The following ZNF347 variants were observed in gnomAD, a reference collection of about 807,000 sequenced individuals.
ZNF347 encodes CTD-2620I22.7.
Under a neutral mutation model 12.9 loss-of-function variants are expected in ZNF347, and 19 were observed. The observed-to-expected ratio is 1.47, with a 90% CI of 1.03 to 2.16. ZNF347 has a LOEUF of 2.16. Ranked by LOEUF, ZNF347 falls within the 30% of genes most tolerant of loss-of-function variation. ZNF347 has a pLI of 0.00. For synonymous variants in ZNF347, 328 were observed against 340.6 expected (o/e 0.96, Z 0.41); for missense variants, 1,005 against 990.6 (o/e 1.01, Z -0.19).
rs2090400936 is a variant in ZNF347 at position 53,138,788 on chromosome 19, AT to A, written c.*1519del. 6.6e-6 allele frequency: 1 copy of A among 152,180 alleles called. No homozygotes were observed. The highest frequency in any genetic ancestry group is 2.1e-4 in the South Asian group (1 of 4,830). 9.4% of individuals were successfully genotyped at this position (152,180 alleles called of 1,614,324 possible). A position where few individuals can be genotyped will look rare whatever the true frequency, so the allele number is the denominator to read the frequency against. On this transcript the variant is annotated 3_prime_UTR_variant, in exon 5 of 5. Transcript: ENST00000334197. ...GGATAAAATGATGTTGGTACAAAGAATGTGATTTGTTTATAGTTATAAGAAA... is the reference window on the plus strand; with the variant it reads ...GGATAAAATGATGTTGGTACAAAGAAGTGATTTGTTTATAGTTATAAGAAA...
intron 2 of ZNF347, among the ~76,000 whole-genome samples, chr19:53,151,684 A>G (rs941326977): frequency 6.6e-6 from 1 of 152,216 alleles, no homozygotes; most frequent in African/African-American, 2.4e-5. Flanking sequence ...TATGCCCATA[A>G]TATGTAACTA....
intron 4 of ZNF347, among the ~76,000 whole-genome samples, chr19:53,145,232 A>C (rs936902921): frequency 1.4e-5 from 2 of 147,242 alleles, no homozygotes; most frequent in African/African-American, 5.0e-5. Context: ...TGGAGGATGC[A>C]GTGAGCCAAG....
Position 53,137,804 on chromosome 19 carries a change from A to G in ZNF347, c.*2504T>C, listed in dbSNP as rs2090395238. ...GTTATTCTGCACTATTTATAATTTCATAATTTTTTTTTTTGAGACGGAGTC... is the reference window on the plus strand; with the variant it reads ...GTTATTCTGCACTATTTATAATTTCGTAATTTTTTTTTTTGAGACGGAGTC... On this transcript the variant is annotated 3_prime_UTR_variant, in exon 5 of 5. Coordinates refer to ENST00000334197, the MANE Select transcript of ZNF347 (RefSeq NM_032584.3). The G allele has an allele frequency of 6.6e-6, 1 of 152,084 alleles. No homozygotes were observed. Among genetic ancestry groups the G allele is most frequent in the Admixed American group, 6.6e-5 (1 of 15,262 alleles). 9.4% of individuals were successfully genotyped at this position (152,084 alleles called of 1,614,324 possible).
chr19:53,142,897 G>GT (rs2090439030), intron 4 of ZNF347, among the ~76,000 whole-genome samples: 1 of 152,134 alleles, frequency 6.6e-6, no homozygotes, highest in African/African-American at 2.4e-5. Flanking sequence ...GATCAGACCT[G>GT]TTTTACAAGA....
chr19:53,142,579 G>C (rs2090436832), intron 4 of ZNF347, 23 bp from the exon 5 acceptor site: 1 of 1,495,642 alleles, frequency 6.7e-7, no homozygotes, highest in Non-Finnish European at 8.9e-7. Flanking sequence ...AAGATCCATA[G>C]GTTTCCAATT....
At chr19:53,150,976 A>T (rs2090493534) in intron 2 of ZNF347, among the ~76,000 whole-genome samples, 1 of 152,154 alleles carries the variant, frequency 6.6e-6, no homozygotes, top group African/African-American at 2.4e-5. Context: ...CTGACCTCAG[A>T]TGATCCACCC....
intron 4 of ZNF347, among the ~76,000 whole-genome samples, chr19:53,146,992 T>C (rs972635985): frequency 6.6e-6 from 1 of 152,082 alleles, no homozygotes; most frequent in African/African-American, 2.4e-5. Flanking sequence ...TCCCAACAGT[T>C]TGGGAGGCTA....
At position 53,141,101 on chromosome 19, in the gene ZNF347, T is replaced by G; in HGVS notation, c.1727A>C (p.Lys576Thr). Residue 576 changes from lysine to threonine, a missense_variant, in exon 5 of 5, where the codon AAG (lysine) becomes ACG (threonine). Coordinates refer to ENST00000334197, the MANE Select transcript of ZNF347 (RefSeq NM_032584.3). ...EKPYKCNECG[K>T]VFTQNSHLAR... is the part of the protein sequence containing the mutation. The stretch of plus-strand genomic sequence containing the variant: ...AAGGTGTGAATTCTGAGTGAAGACC[T>G]TGCCACACTCATTACATTTGTAAGG... 1 of 1,614,078 alleles carries G rather than the reference T, an allele frequency of 6.2e-7. No individual in the cohort carries two copies. The highest frequency in any genetic ancestry group is 2.2e-5 in the East Asian group (1 of 44,870).
chr19:53,140,597 T>C lies in ZNF347; in HGVS notation c.2231A>G (p.Lys744Arg). The change falls in exon 5 of 5, where the codon AAG (lysine) becomes AGG (arginine). Residue 744 changes from lysine (K) to arginine (R), a missense_variant. By Grantham distance (26) the Lys-to-Arg change is conservative. Coordinates refer to ENST00000334197, the MANE Select transcript of ZNF347 (RefSeq NM_032584.3). ...AAGGTGTGAATTCTGAGTGAAGACCTTCCCACACTCATTGCATTTGTAAGG... is the reference window on the plus strand; with the variant it reads ...AAGGTGTGAATTCTGAGTGAAGACCCTCCCACACTCATTGCATTTGTAAGG... Reference protein sequence around the residue: ...KKPYKCNECGKVFTQNSHLAR... With the variant: ...KKPYKCNECGRVFTQNSHLAR... 1 of 1,613,794 alleles carries C rather than the reference T, an allele frequency of 6.2e-7. No homozygotes were observed. Among genetic ancestry groups the C allele is most frequent in the Non-Finnish European group, 8.5e-7 (1 of 1,179,920 alleles).
Position 53,141,652 on chromosome 19 carries a change from CT to C in ZNF347, c.1175del (p.Gln392ArgfsTer53). 1 of 1,614,006 alleles carries C rather than the reference CT, an allele frequency of 6.2e-7. No individual in the cohort carries two copies. The highest frequency in any genetic ancestry group is 1.1e-5 in the South Asian group (1 of 91,058). ...FRARSSLAIHQATHSGEKPYK... is the reference protein window; with the variant it reads ...FRARSSLAIHXATHSGEKPYK... ...AAGGTTTTTCTCCACTGTGGGTTGC[CT>C]GATGGATAGCTAAGCTTGAACGAGC... On this transcript the variant is annotated frameshift_variant, in exon 5 of 5. Transcript: ENST00000334197. LOFTEE classifies it low-confidence loss of function (END_TRUNC).
intron 1 of ZNF347, among the ~76,000 whole-genome samples, chr19:53,154,790 TGA>T (rs2090521077): frequency 6.6e-6 from 1 of 151,646 alleles, no homozygotes; most frequent in African/African-American, 2.4e-5. Context: ...ATGTTGGGTA[TGA>T]GAGCTTGATT....
In ZNF347 at chr19:53,141,583, G is replaced by C; in HGVS notation, c.1245C>G (p.His415Gln). The C allele has an allele frequency of 3.7e-6, 6 of 1,613,808 alleles. No homozygotes were observed. Among genetic ancestry groups the C allele is most frequent in the Non-Finnish European group, 5.1e-6 (6 of 1,179,920 alleles). Residue 415 changes from histidine (H) to glutamine (Q), a missense_variant, in exon 5 of 5, where the codon CAC (histidine) becomes CAG (glutamine). Coordinates refer to ENST00000334197, the MANE Select transcript of ZNF347 (RefSeq NM_032584.3). Reference protein sequence around the residue: ...ECGKVFTQNSHLTNHWRIHTG... With the variant: ...ECGKVFTQNSQLTNHWRIHTG... ...TGTGAATTCTCCAGTGATTTGTAAG[G>C]TGTGAATTTTGAGTGAAGACCTTGC...
rs1370601063 is a variant in ZNF347, at chr19:53,148,756, G to A, written c.196C>T (p.Pro66Ser). 2 of 1,613,592 alleles carry A rather than the reference G, an allele frequency of 1.2e-6. No homozygotes were observed. The highest frequency in any genetic ancestry group is 4.5e-5 in the East Asian group (2 of 44,876). ...TGTACTTGGCTCTCCAAAGTGAAAG[G>A]CTCCTTCCCTTGCTCCAACATAGAG... is the stretch of plus-strand genomic sequence containing the variant. ...IISMLEQGKE[P>S]FTLESQVQIA... The change falls in exon 4 of 5, where the codon CCT (proline) becomes TCT (serine). Residue 66 changes from proline to serine, a missense_variant. Physicochemically the swap from Pro to Ser is moderately conservative, Grantham distance 74 (BLOSUM62 -1). Coordinates refer to ENST00000334197, the MANE Select transcript of ZNF347 (RefSeq NM_032584.3).
At position 53,142,259 on chromosome 19, in the gene ZNF347, G is replaced by T. The variant is rs768998540; in HGVS notation, c.569C>A (p.Ser190Ter). 3.1e-6 allele frequency: 5 copies of T among 1,613,474 alleles called. No homozygotes were observed. The African/African-American group carries it at 6.7e-5, about 22-fold the overall frequency. Residue 190 changes from serine to a stop codon, truncating the protein, a stop_gained, in exon 5 of 5, where the codon TCA becomes TAA. Coordinates refer to ENST00000334197, the MANE Select transcript of ZNF347 (RefSeq NM_032584.3). LOFTEE classifies it low-confidence loss of function (END_TRUNC). ...IKNQLGLSLQ[S>*]HLPELQLFQY... The stretch of plus-strand genomic sequence containing the variant: ...AAAAAGCTGCAGTTCAGGCAGATGT[G>T]ACTGAAGGCTTAATCCAAGCTGATT...
chr19:53,154,943 GT>G (rs562142775), intron 1 of ZNF347, among the ~76,000 whole-genome samples: 90 of 144,242 alleles, frequency 6.2e-4, no homozygotes, highest in Middle Eastern at 3.6e-3. Context: ...GTTTTGTTTT[GT>G]TTTTTTTTTT....
chr19:53,152,195 T>C (rs2090503165), intron 2 of ZNF347, among the ~76,000 whole-genome samples: 1 of 151,410 alleles, frequency 6.6e-6, no homozygotes, highest in Non-Finnish European at 1.5e-5. Flanking sequence ...AGGTAAAACA[T>C]CCACTCTGTC....
chr19:53,145,184 G>A (rs529707710), intron 4 of ZNF347, among the ~76,000 whole-genome samples: 2 of 151,520 alleles, frequency 1.3e-5, no homozygotes, highest in South Asian at 2.1e-4. Context: ...CTAGCTACTC[G>A]GGAGGCTGAG....
At chr19:53,154,984 C>G (rs1402505097) in intron 1 of ZNF347, among the ~76,000 whole-genome samples, 1 of 151,668 alleles carries the variant, frequency 6.6e-6, no homozygotes, top group South Asian at 2.1e-4. Context: ...GTCACCCAGG[C>G]TGGAGTGCAA....
chr19:53,144,801 C>T (rs1041500539), intron 4 of ZNF347, among the ~76,000 whole-genome samples: 3 of 152,032 alleles, frequency 2.0e-5, no homozygotes, highest in Admixed American at 6.6e-5. Flanking sequence ...CCCTAACAGA[C>T]GTTTACAGAC....
Sources: allele counts gnomAD v4.1 joint callset (sites outside exome capture counted in the v4.1 genomes callset), GRCh38; gene constraint gnomAD v4.1.1; transcripts MANE v1.5; gene names NCBI Gene and HGNC (gene_info 2026-07-23, HGNC 2026-07-21).